The following IPO7 variants were observed in gnomAD, a reference collection of about 807,000 sequenced individuals.
IPO7 encodes the protein importin 7, also known as importin-7.
IPO7 carries 13 observed loss-of-function variants against 136.4 expected under a neutral mutation model. That is an observed-to-expected ratio of 0.10 (90% CI 0.06 to 0.15). The LOEUF (loss-of-function observed/expected upper bound fraction) is 0.15, where lower values mean the gene tolerates loss of function less well. IPO7 is among the 10% of genes least tolerant of loss of function. IPO7 has a pLI of 1.00. For missense variants in IPO7, 857 were observed against 1,240.6 expected (o/e 0.69, Z 4.65); for synonymous variants, 403 against 404.4 (o/e 1.00, Z 0.04).
At chr11:9,402,128 A>G (rs746240566) in intron 1 of IPO7, among the ~76,000 whole-genome samples, 22 of 152,146 alleles carry the variant, frequency 1.4e-4, no homozygotes, top group Non-Finnish European at 2.8e-4. Flanking sequence ...AGGGCCTGGC[A>G]TGGTGCCTCG....
Position 9,438,045 on chromosome 11 carries a change from GTTTTTT to G in IPO7, c.2490-8_2490-3del, listed in dbSNP as rs202038310. ...TCTGCTTATTTAAGAAAAGAAAACAGTTTTTTTTTTTTTTTTTTTTTTTTTTTTTTT... is the reference window on the plus strand; with the variant it reads ...TCTGCTTATTTAAGAAAAGAAAACAGTTTTTTTTTTTTTTTTTTTTTTTTT... On this transcript the variant is annotated intron_variant, in intron 21 of 24. Coordinates refer to ENST00000379719, the MANE Select transcript of IPO7 (RefSeq NM_006391.3). 3.7e-3 allele frequency: 4,018 copies of G among 1,089,946 alleles called. 1 individual carries two copies. Among genetic ancestry groups the G allele is most frequent in the African/African-American group, 8.9e-3 (297 of 33,214 alleles). 67.5% of individuals were successfully genotyped at this position (1,089,946 alleles called of 1,614,324 possible).
intron 10 of IPO7, among the ~76,000 whole-genome samples, chr11:9,424,605 G>A (rs1047973827): frequency 2.0e-5 from 3 of 152,060 alleles, no homozygotes; most frequent in Non-Finnish European, 2.9e-5. Context: ...TTAGCCGGGC[G>A]TGGTGGCAGG....
intron 1 of IPO7, among the ~76,000 whole-genome samples, chr11:9,385,254 G>T (rs1376816738): frequency 6.6e-6 from 1 of 152,218 alleles, no homozygotes; most frequent in Non-Finnish European, 1.5e-5. Flanking sequence ...CGCCGTCGCA[G>T]GGTTTGGAAG....
intron 18 of IPO7, among the ~76,000 whole-genome samples, 155 bp downstream of exon 18, chr11:9,434,001 G>A (rs1855336337): frequency 2.0e-5 from 3 of 149,324 alleles, no homozygotes; most frequent in Admixed American, 6.8e-5. Context: ...TCAGCTCATC[G>A]CAACCTATGC....
In IPO7 at chr11:9,394,825, A is replaced by C. The variant is rs749416263; in HGVS notation, c.85-8465A>C. On this transcript the variant is annotated intron_variant, in intron 1 of 24. Transcript: ENST00000379719. ...AGAATGGAGTTGGGTTTGTTGAAGA[A>C]TTTTGATGAGATGAATTAAGTGTGA... is the stretch of plus-strand genomic sequence containing the variant. Among the ~76,000 whole-genome samples the C allele has an allele frequency of 1.4e-4, 21 of 152,186 alleles. 1 individual carries two copies. Among genetic ancestry groups the C allele is most frequent in the Non-Finnish European group, 2.5e-4 (17 of 68,036 alleles).
rs761375474 is a variant in IPO7, at chr11:9,430,912, A to G, written c.1790A>G (p.Asp597Gly). Residue 597 changes from aspartate (D) to glycine (G), a missense_variant, in exon 16 of 25, where the codon GAT (aspartate) becomes GGT (glycine). Around this residue, in one of 11 missense-constraint regions of IPO7, gnomAD observed 58 missense variants for 122.1 expected, o/e 0.47. Coordinates refer to ENST00000379719, the MANE Select transcript of IPO7 (RefSeq NM_006391.3). ...TFNQVIQTGP[D>G]EEGSDDKAVT... ...AACCAAGTAATCCAGACGGGGCCAGATGAAGAAGGTAGTGATGACAAAGCA... is the reference window on the plus strand; with the variant it reads ...AACCAAGTAATCCAGACGGGGCCAGGTGAAGAAGGTAGTGATGACAAAGCA... The G allele has an allele frequency of 4.4e-5, 71 of 1,611,886 alleles. No homozygotes were observed. The highest frequency in any genetic ancestry group is 5.9e-5 in the Non-Finnish European group (69 of 1,178,844).
intron 3 of IPO7, 126 bp downstream of exon 3, chr11:9,408,765 G>C (rs1590434280): frequency 1.8e-6 from 1 of 569,964 alleles, no homozygotes; most frequent in Admixed American, 4.4e-5. Context: ...AGGCTGGAGT[G>C]CAGTGGCACG....
At chr11:9,396,789 A>G (rs192059042) in intron 1 of IPO7, among the ~76,000 whole-genome samples, 6 of 152,296 alleles carry the variant, frequency 3.9e-5, no homozygotes, top group Admixed American at 1.3e-4. Flanking sequence ...ATTCTATTGT[A>G]TGTATCGATA....
chr11:9,434,115 G>A lies in IPO7; in HGVS notation c.2074+269G>A, dbSNP rs368572258. 9.9e-5 allele frequency among the ~76,000 whole-genome samples: 15 copies of A among 151,968 alleles called. No homozygotes were observed. The East Asian group carries it at 1.9e-3, about 20-fold the overall frequency. On this transcript the variant is annotated intron_variant, in intron 18 of 24. Coordinates refer to ENST00000379719, the MANE Select transcript of IPO7 (RefSeq NM_006391.3). ...ATTTTGTATTTTTAGTAGAGACAGA[G>A]TTTCTCCATGTTGGTCAGACTGGTC... is the stretch of plus-strand genomic sequence containing the variant.
At chr11:9,443,730 T>A (rs1326351028) in intron 24 of IPO7, among the ~76,000 whole-genome samples, 11 of 148,526 alleles carry the variant, frequency 7.4e-5, no homozygotes, top group Non-Finnish European at 1.2e-4. Flanking sequence ...TAGTGAGACA[T>A]CATCTCTACA....
intron 6 of IPO7, among the ~76,000 whole-genome samples, chr11:9,419,559 A>AAAAAAAATATATAT (rs1256216265): frequency 6.8e-5 from 8 of 116,848 alleles, no homozygotes; most frequent in Admixed American, 2.6e-4. Context: ...AAAAAAAAAA[A>AAAAAAAATATATAT]ATATATATAT....
In IPO7 at chr11:9,420,802, G is replaced by T. The variant is rs1855116078; in HGVS notation, c.906+104G>T. ...TTGACATCTAAAGAGTGCCTGTTTG[G>T]ACCCTGTACCAGGTCTCAAACATTT... On this transcript the variant is annotated intron_variant, in intron 8 of 24. Coordinates refer to ENST00000379719, the MANE Select transcript of IPO7 (RefSeq NM_006391.3). The T allele has an allele frequency of 1.3e-5, 10 of 753,022 alleles. No homozygotes were observed. In the South Asian group the frequency reaches 1.3e-4, roughly 10 times the overall value. 46.6% of individuals were successfully genotyped at this position (753,022 alleles called of 1,614,324 possible). A position where few individuals can be genotyped will look rare whatever the true frequency, so the allele number is the denominator to read the frequency against.
chr11:9,409,852 C>T (rs1034537442), intron 3 of IPO7, 76 bp from the exon 4 acceptor site: 6 of 1,068,770 alleles, frequency 5.6e-6, no homozygotes, highest in Middle Eastern at 3.2e-4. Context: ...GTCTAAACAG[C>T]TATTTTCCTT....
chr11:9,399,508 A>G (rs1007255454), intron 1 of IPO7, among the ~76,000 whole-genome samples: 1 of 152,152 alleles, frequency 6.6e-6, no homozygotes, highest in Admixed American at 6.6e-5. Context: ...GACTTGATAT[A>G]TTAAATTGGG....
intron 1 of IPO7, among the ~76,000 whole-genome samples, chr11:9,397,560 C>T (rs1854733507): frequency 6.6e-6 from 1 of 150,818 alleles, no homozygotes; most frequent in Non-Finnish European, 1.5e-5. Context: ...GGCTTCCAAA[C>T]ATAAACCAAC....
intron 4 of IPO7, among the ~76,000 whole-genome samples, chr11:9,413,426 TAATC>T (rs1424124685): frequency 6.6e-6 from 1 of 152,170 alleles, no homozygotes; most frequent in Non-Finnish European, 1.5e-5. Flanking sequence ...ATGGTAATAA[TAATC>T]AGTTTTATTT....
At chr11:9,410,461 T>TC (rs1854952463) in intron 4 of IPO7, among the ~76,000 whole-genome samples, 1 of 152,196 alleles carries the variant, frequency 6.6e-6, no homozygotes, top group Admixed American at 6.5e-5. Context: ...GGCTTTTTTT[T>TC]CTGTGAATTT....
chr11:9,446,437 C>A lies in IPO7; in HGVS notation c.*1243C>A, dbSNP rs1855529144. 1 of 152,142 alleles carries A rather than the reference C, an allele frequency of 6.6e-6. No homozygotes were observed. Among genetic ancestry groups the A allele is most frequent in the Non-Finnish European group, 1.5e-5 (1 of 68,030 alleles). The allele number at this position is 152,142 out of a possible 1,614,324, so 9.4% of individuals were successfully genotyped here. On this transcript the variant is annotated 3_prime_UTR_variant, in exon 25 of 25. Coordinates refer to ENST00000379719, the MANE Select transcript of IPO7 (RefSeq NM_006391.3). ...CTAGATAGGCTGAAGGCACATGGTT[C>A]CCTCCAAAAACCACTATTGATACCA... is the stretch of plus-strand genomic sequence containing the variant.
intron 5 of IPO7, 68 bp downstream of exon 5, chr11:9,414,479 A>G (rs1230999045): frequency 9.9e-7 from 1 of 1,013,560 alleles, no homozygotes; most frequent in Non-Finnish European, 1.4e-6. Flanking sequence ...AAAAATTAAC[A>G]AAGAATTTCA....
Sources: gnomAD v4.1 joint callset for allele counts (sites outside exome capture counted in the v4.1 genomes callset) on GRCh38, gnomAD v4.1.1 for gene constraint, gnomAD v4.1.1 regional missense constraint, MANE v1.5 for transcripts, NCBI Gene and HGNC (gene_info 2026-07-23, HGNC 2026-07-21) for gene names.